Variants in CEP76 observed in about 807,000 individuals in gnomAD.
The protein encoded by CEP76 is centrosomal protein of 76 kDa.
In CEP76, 55 loss-of-function variants were observed where a neutral mutation model predicts 83.3. That is an observed-to-expected ratio of 0.66 (90% CI 0.53 to 0.83). The LOEUF (loss-of-function observed/expected upper bound fraction) is 0.83. Among genes scored for constraint, CEP76 ranks in the 40% least tolerant of loss-of-function variants. The pLI is 0.00. For synonymous variants in CEP76, 270 were observed against 274.5 expected, an observed-to-expected ratio of 0.98 and a Z score of 0.16; for missense variants, 694 against 799.5, an observed-to-expected ratio of 0.87 and a Z score of 1.59.
intron 7 of CEP76, 147 bp downstream of exon 7, chr18:12,691,212 G>A: frequency 1.9e-6 from 1 of 526,880 alleles, no homozygotes. Context: ...TGCAGTGAAA[G>A]AGAATATTAC....
At chr18:12,673,573 A>G in intron 11 of CEP76, 70 bp from the exon 12 acceptor site, 2 of 1,299,370 alleles carry the variant, frequency 1.5e-6, no homozygotes, top group Non-Finnish European at 2.1e-6. Flanking sequence ...TTGCAAGTAA[A>G]TCAGTATTTA....
At chr18:12,701,209 A>C in intron 1 of CEP76, 96 bp from the exon 2 acceptor site, 1 of 815,584 alleles carries the variant, frequency 1.2e-6, no homozygotes, top group Non-Finnish European at 2.0e-6. Context: ...GTAAATGCAC[A>C]ATTGTTACCA....
downstream of CEP76, among the ~76,000 whole-genome samples, chr18:12,671,671 CAG>C (rs1366891928): frequency 9.9e-5 from 10 of 101,490 alleles, no homozygotes; most frequent in African/African-American, 3.9e-4. Flanking sequence ...TTTTTTGAGA[CAG>C]AGTCTTGCTC....
At chr18:12,688,861 T>C (rs545276366) in intron 7 of CEP76, among the ~76,000 whole-genome samples, 1 of 152,338 alleles carries the variant, frequency 6.6e-6, no homozygotes, top group Admixed American at 6.5e-5. Context: ...ACGCCTATGA[T>C]CCCAGCACTT....
In CEP76 at chr18:12,673,277, A is replaced by G; in HGVS notation, c.*88T>C. 1 of 1,486,614 alleles carries G rather than the reference A, an allele frequency of 6.7e-7. No homozygotes were observed. The allele number at this position is 1,486,614 out of a possible 1,614,324, so 92.1% of individuals were successfully genotyped here. A position where few individuals can be genotyped will look rare whatever the true frequency, so the allele number is the denominator to read the frequency against. ...GCCATTCAAGCCAGATTGTGATTTT[A>G]AAATAACAAACCTCTAAATAGCTAA... On this transcript the variant is annotated 3_prime_UTR_variant, in exon 12 of 12. Coordinates refer to ENST00000262127, the MANE Select transcript of CEP76 (RefSeq NM_024899.4).
chr18:12,702,107 C>T (rs1011012509), intron 1 of CEP76, among the ~76,000 whole-genome samples: 1 of 152,194 alleles, frequency 6.6e-6, no homozygotes, highest in Non-Finnish European at 1.5e-5. Context: ...GCCTGGGCAA[C>T]AGAGAGACTC....
chr18:12,682,039 G>T (rs1359355356), intron 8 of CEP76, among the ~76,000 whole-genome samples: 1 of 151,810 alleles, frequency 6.6e-6, no homozygotes. Flanking sequence ...CTGATACTGT[G>T]TTCTGTGAAA....
intron 4 of CEP76, 30 bp from the exon 5 acceptor site, chr18:12,697,438 C>T (rs755779115): frequency 3.4e-6 from 5 of 1,456,116 alleles, no homozygotes; most frequent in Non-Finnish European, 3.8e-6. Context: ...GAAATTATAC[C>T]ACACTACATA....
intron 12 of CEP76, among the ~76,000 whole-genome samples, chr18:12,664,700 T>TC: frequency 6.9e-6 from 1 of 143,904 alleles, no homozygotes; most frequent in East Asian, 2.0e-4. Flanking sequence ...GTCCTGATCT[T>TC]TTTTTTTTTT....
At chr18:12,665,968 A>T (rs1027640710) in intron 12 of CEP76, among the ~76,000 whole-genome samples, 5 of 152,234 alleles carry the variant, frequency 3.3e-5, no homozygotes, top group Non-Finnish European at 7.4e-5. Flanking sequence ...GTGCTGGGAT[A>T]ACAGTCGTGA....
Position 12,680,727 on chromosome 18 carries a change from A to C in CEP76, c.1224T>G (p.His408Gln). ...CVGTKAKGVP[H>Q]AWVMTCGTDG... ...CAGTTCCACAAGTCATAACCCATGC[A>C]TGAGGTACTCCTTTTGCCTTGGTCC... The change falls in exon 9 of 12, where the codon CAT becomes CAG. Residue 408 changes from histidine to glutamine, a missense_variant. Transcript: ENST00000262127. 1 of 1,613,944 alleles carries C rather than the reference A, an allele frequency of 6.2e-7. No individual in the cohort carries two copies. Among genetic ancestry groups the C allele is most frequent in the Non-Finnish European group, 8.5e-7 (1 of 1,179,950 alleles).
intron 12 of CEP76, among the ~76,000 whole-genome samples, chr18:12,665,823 G>A (rs867115751): frequency 2.0e-5 from 3 of 151,942 alleles, no homozygotes; most frequent in Non-Finnish European, 4.4e-5. Context: ...TCAGCCTCCC[G>A]AGTAGCTGCG....
intron 8 of CEP76, among the ~76,000 whole-genome samples, chr18:12,683,119 G>A (rs12458097): frequency 0.23 from 34,703 of 148,020 alleles, 4,725 homozygotes; most frequent in Non-Finnish European, 0.32. Context: ...GCTGAAGCGG[G>A]CAGATCACTT....
intron 3 of CEP76, 123 bp downstream of exon 3, chr18:12,699,707 T>G (rs1364648233): frequency 3.3e-6 from 2 of 598,762 alleles, no homozygotes; most frequent in Admixed American, 7.2e-5. Flanking sequence ...TAGCCAACCA[T>G]AAAATTTTAA....
rs73951126 is a variant in CEP76 at position 12,702,374 on chromosome 18, A to G, written c.63+112T>C. 352 of 799,398 alleles carry G rather than the reference A, an allele frequency of 4.4e-4. 1 individual carries two copies. The African/African-American group carries it at 5.8e-3, about 13-fold the overall frequency. The allele number at this position is 799,398 out of a possible 1,614,324, so 49.5% of individuals were successfully genotyped here. On this transcript the variant is annotated intron_variant, in intron 1 of 11. Coordinates refer to ENST00000262127, the MANE Select transcript of CEP76 (RefSeq NM_024899.4). Reference sequence around the variant, plus strand: ...CCTACTCTGCGTTGCGCACCCCACAATCCTCGCTACAGTCCCGGCAAGCAG... The same window carrying G: ...CCTACTCTGCGTTGCGCACCCCACAGTCCTCGCTACAGTCCCGGCAAGCAG...
chr18:12,691,155 T>C (rs553381040), intron 7 of CEP76: 1 of 404,264 alleles, frequency 2.5e-6, no homozygotes, highest in South Asian at 8.7e-5. Context: ...CCACAATAAC[T>C]GAAATTGAAA....
Position 12,686,029 on chromosome 18 carries a change from A to C in CEP76, c.1122+233T>G, listed in dbSNP as rs113826675. 8.6e-3 allele frequency: 3,250 copies of C among 379,908 alleles called. 110 individuals are homozygous for C. Among genetic ancestry groups the C allele is most frequent in the African/African-American group, 0.062 (2,990 of 48,346 alleles). 23.5% of individuals were successfully genotyped at this position (379,908 alleles called of 1,614,324 possible). On this transcript the variant is annotated intron_variant, in intron 8 of 11. Transcript: ENST00000262127. The stretch of plus-strand genomic sequence containing the variant: ...AAAATCTCAATACAATGTAAATGCT[A>C]CATAAACGTTGTTACACACCATTTT...
chr18:12,699,783 A>G, intron 3 of CEP76, 47 bp downstream of exon 3: 1 of 1,068,408 alleles, frequency 9.4e-7, no homozygotes, highest in African/African-American at 1.6e-5. Flanking sequence ...ACACCACATC[A>G]ATATTTACTA....
rs144357859 is a variant in CEP76 at position 12,695,317 on chromosome 18, A to G, written c.741T>C (p.Asn247=). The change falls in exon 6 of 12, where the codon AAT becomes AAC. Residue 247 remains asparagine, a synonymous_variant. Transcript: ENST00000262127. ...TESKVSVGIL[N]IKLEMYPPLN... The stretch of plus-strand genomic sequence containing the variant: ...GTGGTGGATACATTTCAAGTTTTAT[A>G]TTTAAAATTCCCACAGAAACTTTTG... The G allele has an allele frequency of 4.5e-5, 71 of 1,568,734 alleles. No homozygotes were observed. Among genetic ancestry groups the G allele is most frequent in the Non-Finnish European group, 5.8e-5 (66 of 1,145,954 alleles).
Sources: allele counts gnomAD v4.1 joint callset (sites outside exome capture counted in the v4.1 genomes callset), GRCh38; gene constraint gnomAD v4.1.1; transcripts MANE v1.5; gene names NCBI Gene and HGNC (gene_info 2026-07-23, HGNC 2026-07-21).